ANAPC4: variants seen among roughly 807,000 people sequenced by gnomAD.
ANAPC4 encodes the protein anaphase-promoting complex subunit 4.
In ANAPC4, 63 loss-of-function variants were observed where a neutral mutation model predicts 119.8. That is an observed-to-expected ratio of 0.53 (90% confidence interval 0.43 to 0.65). ANAPC4 has a LOEUF of 0.65. Among genes scored for constraint, ANAPC4 ranks in the 30% least tolerant of loss-of-function variants. ANAPC4 has a pLI of 0.00. For missense variants in ANAPC4, 716 were observed against 945.1 expected, an observed-to-expected ratio of 0.76 and a Z score of 3.18; for synonymous variants, 283 against 318.6, an observed-to-expected ratio of 0.89 and a Z score of 1.19.
chr4:25,383,024 G>C (rs1721828433), intron 3 of ANAPC4, among the ~76,000 whole-genome samples: 1 of 152,158 alleles, frequency 6.6e-6, no homozygotes, highest in African/African-American at 2.4e-5. Flanking sequence ...TGTGCTACGT[G>C]AGAAAGTAGT....
At chr4:25,413,791 C>A in intron 22 of ANAPC4, 49 bp downstream of exon 22, 1 of 1,326,268 alleles carries the variant, frequency 7.5e-7, no homozygotes, top group Non-Finnish European at 1.1e-6. Flanking sequence ...ATAGTGTCTA[C>A]AGTATGTGGC....
chr4:25,394,320 C>T lies in ANAPC4; in HGVS notation c.887C>T (p.Thr296Ile), dbSNP rs1722518408. The change falls in exon 12 of 29, where the codon ACA becomes ATA. Residue 296 changes from threonine to isoleucine, a missense_variant. Around this residue, in one of 3 missense-constraint regions of ANAPC4, gnomAD observed 504 missense variants for 615.8 expected, o/e 0.82. Transcript: ENST00000315368. ...RLTKFVQEKN[T>I]TTSVQDEFMH... ...TTCACTTTTTTCCAGGAAAAGAACA[C>T]AACCACATCAGTGCAAGATGAGTTC... The T allele has an allele frequency of 1.3e-6, 2 of 1,584,610 alleles. No individual in the cohort carries two copies. Among genetic ancestry groups the T allele is most frequent in the Non-Finnish European group, 1.7e-6 (2 of 1,172,746 alleles).
intron 21 of ANAPC4, chr4:25,413,205 C>A (rs1385343183): frequency 1.3e-5 from 2 of 152,630 alleles, no homozygotes; most frequent in African/African-American, 4.8e-5. Context: ...ATAAAGTAAC[C>A]TTTTAAAAAG....
intron 28 of ANAPC4, 48 bp downstream of exon 28, chr4:25,417,787 C>T (rs759192713): frequency 3.0e-5 from 47 of 1,564,746 alleles, no homozygotes; most frequent in South Asian, 4.9e-5. Flanking sequence ...CAAGAAGTAA[C>T]GTTGCTTCTT....
At chr4:25,394,216 CA>C in intron 11 of ANAPC4, 93 bp from the exon 12 acceptor site, 1 of 1,020,626 alleles carries the variant, frequency 9.8e-7, no homozygotes. Context: ...AAGTCTAAGG[CA>C]AGGAAAGGGA....
intron 11 of ANAPC4, 86 bp from the exon 12 acceptor site, chr4:25,394,224 G>T (rs1722510568): frequency 9.2e-7 from 1 of 1,083,644 alleles, no homozygotes. Context: ...GGCAAGGAAA[G>T]GGAGTCATGC....
Position 25,377,363 on chromosome 4 carries a change from C to T in ANAPC4, c.-11+19C>T. ...CTTGCAGGTACAGGCGCGGTCGGGG[C>T]TCCTCGTGGAGAGCCGGGGGCTCCT... is the stretch of plus-strand genomic sequence containing the variant. On this transcript the variant is annotated intron_variant, in intron 1 of 28. Transcript: ENST00000315368. The T allele has an allele frequency of 3.1e-6, 5 of 1,594,806 alleles. No homozygotes were observed. The highest frequency in any genetic ancestry group is 4.3e-6 in the Non-Finnish European group (5 of 1,170,562).
intron 21 of ANAPC4, among the ~76,000 whole-genome samples, chr4:25,412,215 C>G (rs1471206107): frequency 6.6e-6 from 1 of 152,164 alleles, no homozygotes; most frequent in Non-Finnish European, 1.5e-5. Flanking sequence ...GAGAAAGGTG[C>G]AAAGCTTCCA....
At chr4:25,416,196 T>G in intron 26 of ANAPC4, 1 of 316,018 alleles carries the variant, frequency 3.2e-6, no homozygotes, top group Non-Finnish European at 5.8e-6. Flanking sequence ...ACTTCACAGA[T>G]TTTTGGGGGT....
intron 18 of ANAPC4, among the ~76,000 whole-genome samples, chr4:25,406,455 T>TAAA (rs1723253963): frequency 6.6e-6 from 1 of 152,218 alleles, no homozygotes; most frequent in African/African-American, 2.4e-5. Flanking sequence ...CAGACAGCAC[T>TAAA]GTTTGCCTGC....
intron 16 of ANAPC4, among the ~76,000 whole-genome samples, chr4:25,400,379 C>T (rs1379704591): frequency 6.6e-6 from 1 of 152,054 alleles, no homozygotes; most frequent in South Asian, 2.1e-4. Context: ...AGAGGAGGGT[C>T]ACAGAGGCCA....
Position 25,417,676 on chromosome 4 carries a change from AT to A in ANAPC4, c.2138del (p.Leu713TyrfsTer5), listed in dbSNP as rs1305514067. ...CCATGCATTTTGAGAAGCACTGGAG[AT>A]TACTGGAAAGTATGAAAGCACAGTA... ...RTMHFEKHWR[L>X]LESMKAQYVA... is the part of the protein sequence containing the mutation. On this transcript the variant is annotated frameshift_variant, in exon 28 of 29. Transcript: ENST00000315368. LOFTEE classifies it high-confidence loss of function. 4 of 1,613,472 alleles carry A rather than the reference AT, an allele frequency of 2.5e-6. No individual in the cohort carries two copies. The highest frequency in any genetic ancestry group is 3.4e-6 in the Non-Finnish European group (4 of 1,179,744).
intron 17 of ANAPC4, among the ~76,000 whole-genome samples, chr4:25,403,630 C>T (rs1365952320): frequency 6.6e-6 from 1 of 152,212 alleles, no homozygotes; most frequent in African/African-American, 2.4e-5. Flanking sequence ...CTGCTGTCCA[C>T]TGTGGTAGCC....
chr4:25,408,704 G>T (rs937244859), intron 20 of ANAPC4, among the ~76,000 whole-genome samples: 6 of 151,766 alleles, frequency 4.0e-5, no homozygotes, highest in Non-Finnish European at 8.8e-5. Flanking sequence ...CTGCCATGTT[G>T]CCCAGGCTGG....
intron 3 of ANAPC4, among the ~76,000 whole-genome samples, chr4:25,381,653 C>T (rs2109109350): frequency 6.6e-6 from 1 of 152,020 alleles, no homozygotes; most frequent in East Asian, 1.9e-4. Flanking sequence ...TAAAAAAGTA[C>T]TTAAAAATTC....
At chr4:25,403,271 A>G (rs1036802518) in intron 17 of ANAPC4, among the ~76,000 whole-genome samples, 4 of 152,062 alleles carry the variant, frequency 2.6e-5, no homozygotes, top group Non-Finnish European at 4.4e-5. Flanking sequence ...ATAAATATAC[A>G]TATTTTTGGA....
rs374539631 is a variant in ANAPC4, at chr4:25,406,855, T to G, written c.1344T>G (p.Val448=). 1.9e-5 allele frequency: 31 copies of G among 1,604,430 alleles called. No homozygotes were observed. Among genetic ancestry groups the G allele is most frequent in the Non-Finnish European group, 2.5e-5 (30 of 1,176,496 alleles). The change falls in exon 19 of 29, where the codon GTT becomes GTG. Residue 448 remains valine (V), a synonymous_variant. Coordinates refer to ENST00000315368, the MANE Select transcript of ANAPC4 (RefSeq NM_013367.3). ...NKMTQKDITF[V]AEFLTEHFNE... ...TGACTCAGAAAGATATCACATTTGTTGCTGAATTTCTTACTGAACATTTCA... is the reference window on the plus strand; with the variant it reads ...TGACTCAGAAAGATATCACATTTGTGGCTGAATTTCTTACTGAACATTTCA...
At position 25,392,355 on chromosome 4, in the gene ANAPC4, G is replaced by A. The variant is rs367748788; in HGVS notation, c.723G>A (p.Leu241=). Residue 241 remains leucine (L), a synonymous_variant, in exon 10 of 29, where the codon TTG becomes TTA. Transcript: ENST00000315368. ...VSYFQLETNL[L]YSFLPEVTRM... ...TTTTACAGCTTGAAACTAATCTGTT[G>A]TACTCTTTCTTACCTGAAGTAACTC... 5 of 1,612,504 alleles carry A rather than the reference G, an allele frequency of 3.1e-6. No homozygotes were observed. The highest frequency in any genetic ancestry group is 2.2e-5 in the East Asian group (1 of 44,814).
chr4:25,417,965 A>ATTTT, intron 28 of ANAPC4, 190 bp from the exon 29 acceptor site: 1 of 840,528 alleles, frequency 1.2e-6, no homozygotes, highest in Non-Finnish European at 1.8e-6. Flanking sequence ...TAATCTCACG[A>ATTTT]AATTGCCACT....
Sources: allele counts gnomAD v4.1 joint callset (sites outside exome capture counted in the v4.1 genomes callset), GRCh38; gene constraint gnomAD v4.1.1; regional missense constraint gnomAD v4.1.1; transcripts MANE v1.5; gene names NCBI Gene and HGNC (gene_info 2026-07-23, HGNC 2026-07-21).